Variants in TNS3 observed in about 807,000 individuals in gnomAD.
The protein encoded by TNS3 is tensin 3, also known as tensin-3.
In TNS3, 45 loss-of-function variants were observed where a neutral mutation model predicts 140.9. That is an observed-to-expected ratio of 0.32 (90% CI 0.25 to 0.41). TNS3 has a LOEUF of 0.41. Ranked by LOEUF, TNS3 falls within the 10% of genes least tolerant of loss-of-function variation. The pLI is 1.00. For synonymous variants in TNS3, 815 were observed against 788.4 expected (o/e 1.03, Z -0.56); for missense variants, 1,716 against 1,906.7 (o/e 0.90, Z 1.86).
chr7:47,487,018 G>T (rs148571199), intron 3 of TNS3, among the ~76,000 whole-genome samples: 1 of 152,196 alleles, frequency 6.6e-6, no homozygotes, highest in Non-Finnish European at 1.5e-5. Context: ...CTGAAGAGAG[G>T]CCGGGCGCAG....
chr7:47,490,538 T>C (rs1487228232), intron 3 of TNS3, among the ~76,000 whole-genome samples: 1 of 151,966 alleles, frequency 6.6e-6, no homozygotes, highest in African/African-American at 2.4e-5. Flanking sequence ...CTGCTGTGAG[T>C]GGTGGAATAT....
rs958416000 is a variant in TNS3 at position 47,408,000 on chromosome 7, C to T, written c.723+3727G>A. 6.6e-6 allele frequency among the ~76,000 whole-genome samples: 1 copy of T among 152,128 alleles called. No individual in the cohort carries two copies. Among genetic ancestry groups the T allele is most frequent in the Non-Finnish European group, 1.5e-5 (1 of 68,016 alleles). ...TCAGCAGGGCTTGGGGACAGAATGG[C>T]GGGATCAGCTGGGGCAGCAAGAGGC... is the stretch of plus-strand genomic sequence containing the variant. On this transcript the variant is annotated intron_variant, in intron 13 of 30. Transcript: ENST00000311160. The surrounding 1 kb of genome is among the most constrained non-coding windows in gnomAD (Gnocchi z 4.1).
chr7:47,385,051 G>A (rs551451075), intron 16 of TNS3, among the ~76,000 whole-genome samples: 2 of 152,120 alleles, frequency 1.3e-5, no homozygotes, highest in South Asian at 4.1e-4. Flanking sequence ...AGACAACCTC[G>A]CCTGCCTTGT....
At chr7:47,446,166 C>A (rs1795719127) in intron 4 of TNS3, among the ~76,000 whole-genome samples, 1 of 152,266 alleles carries the variant, frequency 6.6e-6, no homozygotes, top group Admixed American at 6.5e-5. Flanking sequence ...GGCTGGAGTG[C>A]AGTGGCACGA....
At chr7:47,409,680 C>T (rs909679564) in intron 13 of TNS3, among the ~76,000 whole-genome samples, 5 of 147,382 alleles carry the variant, frequency 3.4e-5, no homozygotes, top group East Asian at 3.9e-4. Flanking sequence ...ACCTCTGAGA[C>T]GGAGTCTCGC....
At position 47,281,923 on chromosome 7, in the gene TNS3, CCCCTGA is replaced by C. The variant is rs71003390; in HGVS notation, c.4098-1575_4098-1570del. 1.1e-4 allele frequency among the ~76,000 whole-genome samples: 17 copies of C among 148,374 alleles called. No homozygotes were observed. In the East Asian group the frequency reaches 1.2e-3, roughly 10 times the overall value. ...GAGTCCACCATGCAGCCTAGCCATG[CCCCTGA>C]CCCTGACCCTGACCCTGAGTCCACT... is the stretch of plus-strand genomic sequence containing the variant. On this transcript the variant is annotated intron_variant, in intron 28 of 30. Transcript: ENST00000311160.
chr7:47,443,514 C>T (rs2692541), intron 4 of TNS3, among the ~76,000 whole-genome samples: 1 of 152,072 alleles, frequency 6.6e-6, no homozygotes, highest in Non-Finnish European at 1.5e-5. Context: ...GAAGACTACT[C>T]TTTTGCCTAG....
chr7:47,535,672 G>C (rs1193387321), intron 1 of TNS3, among the ~76,000 whole-genome samples: 1 of 152,238 alleles, frequency 6.6e-6, no homozygotes. Flanking sequence ...CTCCCTGAGG[G>C]GGACACAGTA....
chr7:47,540,371 G>A (rs1799750367), intron 1 of TNS3, among the ~76,000 whole-genome samples: 1 of 152,162 alleles, frequency 6.6e-6, no homozygotes, highest in Non-Finnish European at 1.5e-5. Flanking sequence ...TCTCAACCTG[G>A]GTTGGAAACC....
At chr7:47,367,206 C>A (rs969073800) in intron 17 of TNS3, among the ~76,000 whole-genome samples, 3 of 152,192 alleles carry the variant, frequency 2.0e-5, no homozygotes, top group Non-Finnish European at 4.4e-5. Flanking sequence ...CCTCTCCTGG[C>A]GTGCACCTCT....
intron 5 of TNS3, among the ~76,000 whole-genome samples, chr7:47,441,456 G>A (rs2151575221): frequency 6.6e-6 from 1 of 152,318 alleles, no homozygotes; most frequent in South Asian, 2.1e-4. Context: ...GATTACAAGT[G>A]TGAGCCACTG....
intron 17 of TNS3, among the ~76,000 whole-genome samples, chr7:47,363,030 T>C (rs201744747): frequency 0.011 from 12 of 1,118 alleles, no homozygotes; most frequent in Admixed American, 0.017. Context: ...GTCATCACCA[T>C]CACCATCAAC....
chr7:47,447,480 A>C (rs1318282040), intron 4 of TNS3, among the ~76,000 whole-genome samples: 1 of 152,026 alleles, frequency 6.6e-6, no homozygotes. Flanking sequence ...ACCGCTTGGC[A>C]CCTGCAGCCT....
At chr7:47,406,016 C>A (rs1161847666) in intron 13 of TNS3, among the ~76,000 whole-genome samples, 1 of 152,096 alleles carries the variant, frequency 6.6e-6, no homozygotes, top group Non-Finnish European at 1.5e-5. Context: ...CCGGATCAGG[C>A]CCCTGGAGCC....
At chr7:47,493,822 C>A (rs1446661364) in intron 3 of TNS3, among the ~76,000 whole-genome samples, 1 of 148,770 alleles carries the variant, frequency 6.7e-6, no homozygotes, top group African/African-American at 2.5e-5. Context: ...AGCGAGACTC[C>A]GTCTCAAAAA....
At chr7:47,491,009 G>A (rs888188353) in intron 3 of TNS3, among the ~76,000 whole-genome samples, 2 of 152,148 alleles carry the variant, frequency 1.3e-5, no homozygotes, top group South Asian at 2.1e-4. Context: ...GCAGCAATGA[G>A]GCCATGAGCT....
chr7:47,330,430 C>T (rs528305948), intron 20 of TNS3, among the ~76,000 whole-genome samples: 3 of 152,266 alleles, frequency 2.0e-5, no homozygotes, highest in South Asian at 4.1e-4. Flanking sequence ...ACAAAACAAA[C>T]TTTTATCCAG....
At chr7:47,512,742 A>C (rs547373876) in intron 2 of TNS3, among the ~76,000 whole-genome samples, 16 of 152,318 alleles carry the variant, frequency 1.1e-4, no homozygotes, top group African/African-American at 2.9e-4. Flanking sequence ...ACATCATCAT[A>C]ATAATAACAG....
At chr7:47,550,195 A>G (rs76565819) in intron 1 of TNS3, among the ~76,000 whole-genome samples, 406 of 152,242 alleles carry the variant, frequency 2.7e-3, no homozygotes, top group African/African-American at 9.5e-3. Flanking sequence ...CCCTTCACCT[A>G]TCCAAGGCCC....
Sources: allele counts gnomAD v4.1 joint callset (sites outside exome capture counted in the v4.1 genomes callset), GRCh38; gene constraint gnomAD v4.1.1; non-coding constraint Gnocchi (gnomAD v3.1); transcripts MANE v1.5; gene names NCBI Gene and HGNC (gene_info 2026-07-23, HGNC 2026-07-21).